ASIC2: variants seen among roughly 807,000 people sequenced by gnomAD.
ASIC2 encodes the protein acid sensing ion channel subunit 2.
A neutral mutation model predicts 57.3 loss-of-function variants in ASIC2; 25 were observed. The observed-to-expected ratio is 0.44, with a 90% confidence interval of 0.32 to 0.61. ASIC2 has a LOEUF of 0.61. Ranked by LOEUF, ASIC2 falls within the 20% of genes least tolerant of loss-of-function variation. The pLI is 0.06. For synonymous variants in ASIC2, 319 were observed against 307.5 expected (o/e 1.04, Z -0.39); for missense variants, 641 against 738.1 (o/e 0.87, Z 1.52).
chr17:33,120,925 T>G (rs1218406484), intron 1 of ASIC2, among the ~76,000 whole-genome samples: 1 of 152,182 alleles, frequency 6.6e-6, no homozygotes, highest in Non-Finnish European at 1.5e-5. Flanking sequence ...CAGCCCTGGT[T>G]TCAAATCCTG....
At chr17:33,576,679 G>A (rs1916632597) in intron 1 of ASIC2, among the ~76,000 whole-genome samples, 1 of 152,164 alleles carries the variant, frequency 6.6e-6, no homozygotes, top group African/African-American at 2.4e-5. Flanking sequence ...TTGCAATCCA[G>A]TGCTCTTGGT....
intron 1 of ASIC2, among the ~76,000 whole-genome samples, chr17:33,814,398 C>T (rs7210618): frequency 0.61 from 93,335 of 152,102 alleles, 29,390 homozygotes; most frequent in Non-Finnish European, 0.65. Flanking sequence ...AGAGGTCTGA[C>T]ACTTCCGATT....
chr17:33,204,891 G>GGA (rs111589518), intron 1 of ASIC2, among the ~76,000 whole-genome samples: 3,722 of 152,268 alleles, frequency 0.024, 145 homozygotes, highest in African/African-American at 0.085. Flanking sequence ...AGAGCCAGAT[G>GGA]GAGAGACAAA....
chr17:34,093,340 T>G (rs1448731061), intron 1 of ASIC2, among the ~76,000 whole-genome samples: 1 of 152,162 alleles, frequency 6.6e-6, no homozygotes, highest in Non-Finnish European at 1.5e-5. Context: ...TGAACTGGTT[T>G]GGGAATTGCC....
chr17:33,418,380 C>T (rs1910932878), intron 1 of ASIC2, among the ~76,000 whole-genome samples: 1 of 152,094 alleles, frequency 6.6e-6, no homozygotes, highest in African/African-American at 2.4e-5. Flanking sequence ...AAAAAAAATC[C>T]CATTTGTCAA....
chr17:33,541,371 C>G (rs899960535), intron 1 of ASIC2: 1 of 152,066 alleles, frequency 6.6e-6, no homozygotes, highest in African/African-American at 2.4e-5. Context: ...CCCACAATGT[C>G]CCCCCCGAAC....
At chr17:33,469,253 T>G (rs968277066) in intron 1 of ASIC2, among the ~76,000 whole-genome samples, 4 of 151,958 alleles carry the variant, frequency 2.6e-5, no homozygotes, top group African/African-American at 9.7e-5. Context: ...CAGACTGGGG[T>G]GGACAAAGCC....
intron 1 of ASIC2, among the ~76,000 whole-genome samples, chr17:34,132,691 C>T (rs1912024342): frequency 6.6e-6 from 1 of 152,224 alleles, no homozygotes; most frequent in Admixed American, 6.5e-5. Flanking sequence ...TAAGTCCCCA[C>T]TCGACCCACG....
At chr17:33,125,823 G>C (rs529585436) in intron 1 of ASIC2, among the ~76,000 whole-genome samples, 6 of 152,318 alleles carry the variant, frequency 3.9e-5, no homozygotes, top group Admixed American at 6.5e-5. Context: ...TTTCACATCA[G>C]TTCACCCTAC....
intron 1 of ASIC2, among the ~76,000 whole-genome samples, chr17:34,099,794 G>GAAGGA (rs1910789691): frequency 6.4e-5 from 6 of 93,226 alleles, no homozygotes; most frequent in Admixed American, 1.0e-4. Flanking sequence ...AAGAAAGAAA[G>GAAGGA]AAAGAAAGAA....
intron 1 of ASIC2, among the ~76,000 whole-genome samples, chr17:33,448,336 G>A (rs12450871): frequency 0.2 from 30,095 of 152,116 alleles, 3,081 homozygotes; most frequent in East Asian, 0.25. Flanking sequence ...GGAGTCCCCA[G>A]ATATATCAGG....
intron 1 of ASIC2, among the ~76,000 whole-genome samples, chr17:33,396,872 T>C (rs1278774640): frequency 6.6e-6 from 1 of 152,234 alleles, no homozygotes; most frequent in Non-Finnish European, 1.5e-5. Flanking sequence ...GTTCATTTCC[T>C]GGCTGATTTG....
At chr17:33,174,735 G>A (rs927572501) in intron 1 of ASIC2, among the ~76,000 whole-genome samples, 2 of 152,306 alleles carry the variant, frequency 1.3e-5, no homozygotes, top group Non-Finnish European at 2.9e-5. Context: ...TTCAGAGCCC[G>A]TGTCCTGGTG....
chr17:33,948,645 A>G (rs1904461371), intron 1 of ASIC2, among the ~76,000 whole-genome samples: 1 of 152,206 alleles, frequency 6.6e-6, no homozygotes, highest in African/African-American at 2.4e-5. Flanking sequence ...CTGGAATCCA[A>G]GAGCTGCCCT....
chr17:33,663,037 G>A (rs986347781), intron 1 of ASIC2, among the ~76,000 whole-genome samples: 10 of 152,254 alleles, frequency 6.6e-5, no homozygotes, highest in South Asian at 2.1e-4. Flanking sequence ...GTCTCCACAC[G>A]CACTCGCATG....
At chr17:33,140,770 G>T (rs2092384555) in intron 1 of ASIC2, among the ~76,000 whole-genome samples, 1 of 152,320 alleles carries the variant, frequency 6.6e-6, no homozygotes, top group South Asian at 2.1e-4. Flanking sequence ...CCCTGTGCAG[G>T]ACTATTAAAG....
At chr17:33,907,103 GGGAGTCAGGATC>G (rs1292962654) in intron 1 of ASIC2, among the ~76,000 whole-genome samples, 2 of 152,142 alleles carry the variant, frequency 1.3e-5, no homozygotes, top group Non-Finnish European at 2.9e-5. Context: ...AGTAGAAGCA[GGGAGTCAGGATC>G]TCAACCCAAT....
chr17:33,501,616 T>C (rs919533532), intron 1 of ASIC2, among the ~76,000 whole-genome samples: 1 of 152,198 alleles, frequency 6.6e-6, no homozygotes, highest in Non-Finnish European at 1.5e-5. Flanking sequence ...GTCGAATCCG[T>C]GTTGGAAACA....
In ASIC2 at chr17:33,291,907, C is replaced by T. The variant is rs781608719; in HGVS notation, c.209G>A (p.Arg70Gln). The T allele has an allele frequency of 1.3e-6, 2 of 1,596,584 alleles. No individual in the cohort carries two copies. Among genetic ancestry groups the T allele is most frequent in the South Asian group, 1.1e-5 (1 of 90,324 alleles). The change falls in exon 1 of 10, where the codon CGG becomes CAG. Residue 70 changes from arginine (R) to glutamine (Q), a missense_variant. Around this residue, in one of 3 missense-constraint regions of ASIC2, gnomAD observed 382 missense variants for 398.0 expected, o/e 0.96. Transcript: ENST00000225823. ...SLSRAKLHGL[R>Q]HMCAGRTAAG... ...CGCCGTGCGCCCGGCACACATGTGC[C>T]GCAGCCCGTGCAGTTTAGCGCGGCT...
Sources: gnomAD v4.1 joint callset for allele counts (sites outside exome capture counted in the v4.1 genomes callset) on GRCh38, gnomAD v4.1.1 for gene constraint, gnomAD v4.1.1 regional missense constraint, MANE v1.5 for transcripts, NCBI Gene and HGNC (gene_info 2026-07-23, HGNC 2026-07-21) for gene names.